The following PPP1R8 variants were observed in gnomAD, a reference collection of about 807,000 sequenced individuals.
The protein encoded by PPP1R8 is nuclear inhibitor of protein phosphatase 1.
Under a neutral mutation model 31.3 loss-of-function variants are expected in PPP1R8, and 4 were observed. The ratio of observed to expected loss-of-function variants is 0.13; its 90% CI spans 0.06 to 0.29. PPP1R8 has a LOEUF of 0.29. Ranked by LOEUF, PPP1R8 falls within the 10% of genes least tolerant of loss-of-function variation. PPP1R8 has a pLI of 1.00. For missense variants in PPP1R8, 254 were observed against 440.1 expected (o/e 0.58, Z 3.78); for synonymous variants, 170 against 169.7 (o/e 1.00, Z -0.01).
At position 27,850,482 on chromosome 1, in the gene PPP1R8, G is replaced by GTTGGGGGGGGC; in HGVS notation, c.*36_*37insTTGGGGGGGGC. On this transcript the variant is annotated 3_prime_UTR_variant, in exon 7 of 7. Coordinates refer to ENST00000311772, the MANE Select transcript of PPP1R8 (RefSeq NM_014110.5). ...CATGGAGAAGGGTGGGATTGGGTGGGAATGGGGTGGAAGGGTGATGGGGAG... is the reference window on the plus strand; with the variant it reads ...CATGGAGAAGGGTGGGATTGGGTGGGTTGGGGGGGGCAATGGGGTGGAAGGGTGATGGGGAG... The GTTGGGGGGGGC allele has an allele frequency of 2.0e-6, 1 of 511,098 alleles. No homozygotes were observed. The highest frequency in any genetic ancestry group is 3.9e-6 in the Non-Finnish European group (1 of 253,774). 31.7% of individuals were successfully genotyped at this position (511,098 alleles called of 1,614,324 possible). A position where few individuals can be genotyped will look rare whatever the true frequency, so the allele number is the denominator to read the frequency against.
intron 1 of PPP1R8, chr1:27,831,156 C>T (rs1305936266): frequency 8.1e-7 from 1 of 1,238,670 alleles, no homozygotes; most frequent in Non-Finnish European, 1.0e-6. Context: ...AGCCAGTCGC[C>T]GGAGCGCTTC....
rs185548891 is a variant in PPP1R8 at position 27,833,316 on chromosome 1, T to C, written c.117+500T>C. On this transcript the variant is annotated intron_variant, in intron 2 of 6. Coordinates refer to ENST00000311772, the MANE Select transcript of PPP1R8 (RefSeq NM_014110.5). The stretch of plus-strand genomic sequence containing the variant: ...ATTCTTTCAAAACATGTATTGAGTG[T>C]TTACTATGTGCCAGTTACTGTGCTT... Among the ~76,000 whole-genome samples the C allele has an allele frequency of 3.3e-3, 504 of 152,304 alleles. 5 individuals carry two copies. The highest frequency in any genetic ancestry group is 0.011 in the African/African-American group (476 of 41,556).
chr1:27,846,404 G>C (rs949956269), intron 5 of PPP1R8, among the ~76,000 whole-genome samples: 5 of 152,254 alleles, frequency 3.3e-5, no homozygotes, highest in African/African-American at 9.6e-5. Context: ...GGGTGGGACA[G>C]TATCTTGCTC....
At chr1:27,838,953 G>T in intron 3 of PPP1R8, 101 bp downstream of exon 3, 1 of 1,225,684 alleles carries the variant, frequency 8.2e-7, no homozygotes, top group Non-Finnish European at 1.1e-6. Context: ...AAAAGTTAAT[G>T]TTTGGTTTTT....
intron 5 of PPP1R8, among the ~76,000 whole-genome samples, chr1:27,845,368 C>T (rs1365339229): frequency 4.7e-5 from 7 of 147,562 alleles, no homozygotes; most frequent in East Asian, 2.0e-4. Context: ...CCAGCCTGGG[C>T]GACAGAGCAA....
rs1378024958 is a variant in PPP1R8, at chr1:27,832,142, C to T, written c.57-614C>T. Among the ~76,000 whole-genome samples the T allele has an allele frequency of 5.3e-5, 8 of 152,188 alleles. No individual in the cohort carries two copies. The East Asian group carries it at 1.2e-3, about 22-fold the overall frequency. On this transcript the variant is annotated intron_variant, in intron 1 of 6. Coordinates refer to ENST00000311772, the MANE Select transcript of PPP1R8 (RefSeq NM_014110.5). ...GTTAGGTGCTTTGACATATGAGTCT[C>T]CCTTGAATGGTATGGCTGTAGGATA... is the stretch of plus-strand genomic sequence containing the variant.
intron 3 of PPP1R8, among the ~76,000 whole-genome samples, chr1:27,840,540 C>T (rs868069699): frequency 2.0e-5 from 3 of 152,258 alleles, no homozygotes; most frequent in South Asian, 2.1e-4. Flanking sequence ...CCAGCAATTT[C>T]TATATTCTTT....
chr1:27,843,986 A>T (rs1018190498), intron 5 of PPP1R8, among the ~76,000 whole-genome samples: 2 of 152,094 alleles, frequency 1.3e-5, no homozygotes, highest in African/African-American at 2.4e-5. Context: ...CTAGAAATTT[A>T]TATGTTTTTT....
At chr1:27,837,395 C>T (rs1020256371) in intron 2 of PPP1R8, among the ~76,000 whole-genome samples, 1 of 150,946 alleles carries the variant, frequency 6.6e-6, no homozygotes, top group Non-Finnish European at 1.5e-5. Flanking sequence ...CACGCCACTG[C>T]ACTCCAGCCT....
chr1:27,841,863 T>C (rs2089225465), intron 4 of PPP1R8, among the ~76,000 whole-genome samples: 3 of 152,222 alleles, frequency 2.0e-5, no homozygotes, highest in Non-Finnish European at 2.9e-5. Flanking sequence ...AAGTTTTCCT[T>C]TTTTGAAACT....
intron 4 of PPP1R8, among the ~76,000 whole-genome samples, chr1:27,841,644 AAG>A (rs2089223975): frequency 6.6e-6 from 1 of 152,232 alleles, no homozygotes. Flanking sequence ...GGCTAGTGCA[AAG>A]AGAGAATGTT....
chr1:27,850,103 T>TGGAG lies in PPP1R8; in HGVS notation c.716_719dup (p.Pro241GlyfsTer34). 1 of 1,573,458 alleles carries TGGAG rather than the reference T, an allele frequency of 6.4e-7. No homozygotes were observed. The highest frequency in any genetic ancestry group is 8.6e-7 in the Non-Finnish European group (1 of 1,157,874). On this transcript the variant is annotated frameshift_variant, in exon 7 of 7. Transcript: ENST00000311772. LOFTEE classifies it high-confidence loss of function. ...CATCGTGAACTGTAGAAGAAGCGTGTGGAGGGCCCTGGCTCCCTGGGCCTG... is the reference window on the plus strand; with the variant it reads ...CATCGTGAACTGTAGAAGAAGCGTGTGGAGGGAGGGCCCTGGCTCCCTGGGCCTG...
chr1:27,848,882 TAATAA>T (rs1318547943), intron 6 of PPP1R8, among the ~76,000 whole-genome samples: 1 of 151,982 alleles, frequency 6.6e-6, no homozygotes, highest in Admixed American at 6.6e-5. Context: ...AATTTACATA[TAATAA>T]AATCTACACA....
rs1006112880 is a variant in PPP1R8, at chr1:27,851,240, G to A, written c.*794G>A. The A allele has an allele frequency of 2.8e-5, 8 of 288,760 alleles. No homozygotes were observed. The highest frequency in any genetic ancestry group is 4.8e-5 in the Non-Finnish European group (7 of 145,298). The allele number at this position is 288,760 out of a possible 1,614,324, so 17.9% of individuals were successfully genotyped here. A position where few individuals can be genotyped will look rare whatever the true frequency, so the allele number is the denominator to read the frequency against. On this transcript the variant is annotated 3_prime_UTR_variant, in exon 7 of 7. Transcript: ENST00000311772. ...AGTTTTCAAAGGATATGACCAGTTGGGGTAATTCAAATTAAAAAGGAAAAG... is the reference window on the plus strand; with the variant it reads ...AGTTTTCAAAGGATATGACCAGTTGAGGTAATTCAAATTAAAAAGGAAAAG...
chr1:27,835,931 A>G (rs193289465), intron 2 of PPP1R8, among the ~76,000 whole-genome samples: 1 of 152,334 alleles, frequency 6.6e-6, no homozygotes, highest in African/African-American at 2.4e-5. Flanking sequence ...AACTCATAGC[A>G]TAGTGTGTGG....
At chr1:27,838,930 T>C in intron 3 of PPP1R8, 78 bp downstream of exon 3, 1 of 1,324,946 alleles carries the variant, frequency 7.5e-7, no homozygotes, top group Non-Finnish European at 1.0e-6. Flanking sequence ...GTTTGGAAAT[T>C]ACGTTTTATG....
At chr1:27,833,902 A>C (rs1461144787) in intron 2 of PPP1R8, among the ~76,000 whole-genome samples, 1 of 152,234 alleles carries the variant, frequency 6.6e-6, no homozygotes, top group Non-Finnish European at 1.5e-5. Context: ...TTCTCCTGTT[A>C]TGAATACATC....
intron 6 of PPP1R8, among the ~76,000 whole-genome samples, chr1:27,847,852 G>T (rs1395075043): frequency 6.6e-6 from 1 of 152,220 alleles, no homozygotes; most frequent in Non-Finnish European, 1.5e-5. Flanking sequence ...GAATCCTGGA[G>T]TACCACAGAA....
In PPP1R8 at chr1:27,835,861, G is replaced by A. The variant is rs2148615066; in HGVS notation, c.118-2838G>A. ...TCAATTTTGTCATTTATAAAAATAG[G>A]AAGAGAATAGTATTACCCACCTCAT... is the stretch of plus-strand genomic sequence containing the variant. On this transcript the variant is annotated intron_variant, in intron 2 of 6. Coordinates refer to ENST00000311772, the MANE Select transcript of PPP1R8 (RefSeq NM_014110.5). 1.3e-5 allele frequency among the ~76,000 whole-genome samples: 2 copies of A among 152,316 alleles called. 1 individual carries two copies. Among genetic ancestry groups the A allele is most frequent in the South Asian group, 4.1e-4 (2 of 4,824 alleles).
Sources: allele counts gnomAD v4.1 joint callset (sites outside exome capture counted in the v4.1 genomes callset), GRCh38; gene constraint gnomAD v4.1.1; transcripts MANE v1.5; gene names NCBI Gene and HGNC (gene_info 2026-07-23, HGNC 2026-07-21).